Variants in CCDC148 observed in about 807,000 individuals in gnomAD.
The protein encoded by CCDC148 is coiled-coil domain-containing protein 148.
CCDC148 carries 89 observed loss-of-function variants against 85.7 expected under a neutral mutation model. The ratio of observed to expected loss-of-function variants is 1.04; its 90% CI spans 0.87 to 1.24. CCDC148 has a LOEUF of 1.24. CCDC148 is among the 50% of genes most tolerant of loss of function. The pLI, the probability that CCDC148 is intolerant of heterozygous loss-of-function variation, is 0.00. For missense variants in CCDC148, 692 were observed against 671.7 expected (o/e 1.03, Z -0.33); for synonymous variants, 230 against 213.9 (o/e 1.08, Z -0.66).
intron 11 of CCDC148, among the ~76,000 whole-genome samples, chr2:158,179,982 T>G (rs1461400554): frequency 6.6e-6 from 1 of 152,170 alleles, no homozygotes; most frequent in South Asian, 2.1e-4. Context: ...CTGCCTTTTT[T>G]GGGCAGCCTC....
intron 9 of CCDC148, among the ~76,000 whole-genome samples, chr2:158,275,362 C>G (rs1267688597): frequency 2.6e-5 from 4 of 152,090 alleles, no homozygotes; most frequent in African/African-American, 9.7e-5. Flanking sequence ...AGGAAGAGAA[C>G]TAATTGTGAT....
chr2:158,180,242 T>C (rs981682522), intron 11 of CCDC148, among the ~76,000 whole-genome samples: 1 of 152,210 alleles, frequency 6.6e-6, no homozygotes, highest in Non-Finnish European at 1.5e-5. Context: ...TGGTATTTAC[T>C]GCGTGTTCAC....
chr2:158,333,631 C>T (rs746066919), intron 7 of CCDC148, among the ~76,000 whole-genome samples: 23 of 152,022 alleles, frequency 1.5e-4, no homozygotes, highest in Non-Finnish European at 3.2e-4. Flanking sequence ...AAAGTCTCCA[C>T]TATTATTGTG....
At chr2:158,224,654 T>C (rs36191945) in intron 10 of CCDC148, among the ~76,000 whole-genome samples, 53,053 of 152,132 alleles carry the variant, frequency 0.35, 11,398 homozygotes, top group South Asian at 0.6. Context: ...ATATTCAACA[T>C]TCTTAAAGAA....
chr2:158,203,261 T>C (rs1262431236), intron 11 of CCDC148, among the ~76,000 whole-genome samples: 1 of 152,196 alleles, frequency 6.6e-6, no homozygotes, highest in Non-Finnish European at 1.5e-5. Flanking sequence ...TGCAATAAAA[T>C]GGGTTTGCTT....
chr2:158,211,742 C>T (rs545743824), intron 11 of CCDC148, among the ~76,000 whole-genome samples: 1 of 152,280 alleles, frequency 6.6e-6, no homozygotes, highest in Admixed American at 6.5e-5. Context: ...AATCATCATC[C>T]AAGACCTCTT....
intron 8 of CCDC148, among the ~76,000 whole-genome samples, chr2:158,310,890 G>A (rs1691968135): frequency 1.3e-5 from 2 of 150,542 alleles, no homozygotes; most frequent in African/African-American, 4.9e-5. Context: ...TGGCCGGGCA[G>A]AGGGGCTCCT....
At chr2:158,371,234 T>TG (rs1684427046) in intron 1 of CCDC148, among the ~76,000 whole-genome samples, 2 of 151,886 alleles carry the variant, frequency 1.3e-5, no homozygotes, top group African/African-American at 4.8e-5. Flanking sequence ...TGATTCTTGC[T>TG]AACCTTCTAC....
chr2:158,205,310 T>C (rs1686180781), intron 11 of CCDC148, among the ~76,000 whole-genome samples: 1 of 152,076 alleles, frequency 6.6e-6, no homozygotes, highest in Admixed American at 6.6e-5. Flanking sequence ...GTACATCCTG[T>C]TGTCATTTAC....
intron 9 of CCDC148, among the ~76,000 whole-genome samples, chr2:158,271,463 T>C (rs1483893667): frequency 6.6e-6 from 1 of 152,200 alleles, no homozygotes. Flanking sequence ...AGATGAATCA[T>C]TCCCTTGTTT....
At chr2:158,233,361 T>C (rs903338835) in intron 10 of CCDC148, among the ~76,000 whole-genome samples, 4 of 151,980 alleles carry the variant, frequency 2.6e-5, no homozygotes, top group African/African-American at 9.7e-5. Flanking sequence ...TCACCACCAA[T>C]TGAAGTATGA....
chr2:158,398,223 C>T (rs1244973805), intron 1 of CCDC148, among the ~76,000 whole-genome samples: 3 of 152,140 alleles, frequency 2.0e-5, no homozygotes, highest in Admixed American at 2.0e-4. Context: ...ATCAACAAGA[C>T]AGAAAATTAA....
At chr2:158,429,883 G>C (rs929128301) in intron 1 of CCDC148, among the ~76,000 whole-genome samples, 1 of 152,194 alleles carries the variant, frequency 6.6e-6, no homozygotes, top group Non-Finnish European at 1.5e-5. Context: ...TATACTTCAG[G>C]CCATACAACA....
intron 1 of CCDC148, among the ~76,000 whole-genome samples, chr2:158,406,623 T>TCTGTTTTTTTTTTTTTTTTTTG (rs372903099): frequency 3.6e-4 from 37 of 102,756 alleles, no homozygotes; most frequent in South Asian, 5.3e-4. Context: ...CTTTTTTTTT[T>TCTGTTTTTTTTTTTTTTTTTTG]TTTTTTTTTT....
At chr2:158,358,640 G>C in intron 1 of CCDC148, 70 bp from the exon 2 acceptor site, 1 of 1,060,120 alleles carries the variant, frequency 9.4e-7, no homozygotes, top group Non-Finnish European at 1.3e-6. Context: ...AATATAATTA[G>C]GGCAACATGT....
intron 1 of CCDC148, among the ~76,000 whole-genome samples, chr2:158,370,296 T>G (rs1017229180): frequency 6.6e-6 from 1 of 152,106 alleles, no homozygotes; most frequent in African/African-American, 2.4e-5. Flanking sequence ...AAAATTAAAT[T>G]AAATTAAATT....
chr2:158,336,078 A>G (rs945481816), intron 7 of CCDC148, among the ~76,000 whole-genome samples: 7 of 152,194 alleles, frequency 4.6e-5, no homozygotes, highest in Non-Finnish European at 5.9e-5. Context: ...TAAACTATGC[A>G]CACACTTCCA....
At chr2:158,209,687 C>T (rs1352340254) in intron 11 of CCDC148, among the ~76,000 whole-genome samples, 1 of 152,164 alleles carries the variant, frequency 6.6e-6, no homozygotes, top group African/African-American at 2.4e-5. Context: ...AGAATTTCAA[C>T]CCAGAATTTC....
intron 7 of CCDC148, among the ~76,000 whole-genome samples, chr2:158,318,615 C>T (rs1692388602): frequency 1.4e-5 from 2 of 145,608 alleles, no homozygotes; most frequent in Admixed American, 1.3e-4. Flanking sequence ...ATAGAAAGCT[C>T]ATTTTTTTTT....
Sources: gnomAD v4.1 joint callset for allele counts (sites outside exome capture counted in the v4.1 genomes callset) on GRCh38, gnomAD v4.1.1 for gene constraint, MANE v1.5 for transcripts, NCBI Gene and HGNC (gene_info 2026-07-23, HGNC 2026-07-21) for gene names.